The following RYR2 variants were observed in gnomAD, a reference collection of about 807,000 sequenced individuals.
RYR2 encodes cardiac muscle ryanodine receptor-calcium release channel.
Under a neutral mutation model 601.1 loss-of-function variants are expected in RYR2, and 227 were observed. The observed-to-expected ratio is 0.38, with a 90% CI of 0.34 to 0.42. The LOEUF is 0.42. RYR2 is among the 10% of genes least tolerant of loss of function. The pLI, the probability that RYR2 is intolerant of heterozygous loss-of-function variation, is 1.00. For synonymous variants in RYR2, 2,223 were observed against 2,175.1 expected, an observed-to-expected ratio of 1.02 and a Z score of -0.61; for missense variants, 4,646 against 6,156.5, an observed-to-expected ratio of 0.75 and a Z score of 8.21.
chr1:237,450,179 G>C (rs138396989), intron 14 of RYR2, among the ~76,000 whole-genome samples: 2 of 152,100 alleles, frequency 1.3e-5, no homozygotes, highest in Admixed American at 1.3e-4. Flanking sequence ...TCCCTGCCTT[G>C]AGTAGTTTTC....
rs573124809 is a variant in RYR2 at position 237,368,389 on chromosome 1, T to A, written c.310-1145T>A. The stretch of plus-strand genomic sequence containing the variant: ...AGGGAAGACTAGAGAGAGGGAATGT[T>A]GTATTCCGAGATGGGGCAGCATGAA... On this transcript the variant is annotated intron_variant, in intron 5 of 104. Transcript: ENST00000366574. Among the ~76,000 whole-genome samples the A allele has an allele frequency of 1.4e-4, 21 of 152,230 alleles. 1 individual carries two copies. The South Asian group carries it at 4.1e-3, about 30-fold the overall frequency.
chr1:237,490,252 G>A (rs1663178594), intron 17 of RYR2, among the ~76,000 whole-genome samples: 1 of 152,114 alleles, frequency 6.6e-6, no homozygotes, highest in Non-Finnish European at 1.5e-5. Context: ...CTGGTTGATG[G>A]GATCAATTGT....
chr1:237,512,820 G>A (rs1202407208), intron 24 of RYR2, among the ~76,000 whole-genome samples: 1 of 152,198 alleles, frequency 6.6e-6, no homozygotes, highest in Non-Finnish European at 1.5e-5. Context: ...CCAGTGAGCT[G>A]TGATCACGCC....
chr1:237,069,693 C>T (rs1328447516), intron 1 of RYR2, among the ~76,000 whole-genome samples: 1 of 152,006 alleles, frequency 6.6e-6, no homozygotes, highest in African/African-American at 2.4e-5. Context: ...TGGAAAAGTC[C>T]ATTTTTAAAA....
At chr1:237,550,465 G>C in intron 26 of RYR2, 79 bp from the exon 27 acceptor site, 1 of 1,505,650 alleles carries the variant, frequency 6.6e-7, no homozygotes, top group South Asian at 1.2e-5. Context: ...GGAATTTAAA[G>C]TTTGATGTAT....
At chr1:237,799,128 C>T (rs1187410120) in intron 97 of RYR2, among the ~76,000 whole-genome samples, 1 of 152,086 alleles carries the variant, frequency 6.6e-6, no homozygotes, top group African/African-American at 2.4e-5. Context: ...TTTGAACTTA[C>T]TGAAAACAAC....
intron 1 of RYR2, among the ~76,000 whole-genome samples, chr1:237,241,883 T>C (rs953091470): frequency 5.3e-5 from 8 of 152,200 alleles, no homozygotes; most frequent in African/African-American, 1.4e-4. Flanking sequence ...GTAGTGAGGA[T>C]GAACAGAGGT....
intron 87 of RYR2, among the ~76,000 whole-genome samples, chr1:237,776,865 C>CT (rs1338373324): frequency 6.6e-6 from 1 of 152,178 alleles, no homozygotes; most frequent in Admixed American, 6.5e-5. Flanking sequence ...GGAAATGACT[C>CT]TTTTCCCATC....
rs1247849297 is a variant in RYR2, at chr1:237,199,707, AC to A, written c.49-70789del. Among the ~76,000 whole-genome samples, 3 of 152,160 alleles carry A rather than the reference AC, an allele frequency of 2.0e-5. No individual in the cohort carries two copies. In the East Asian group the frequency reaches 5.8e-4, roughly 29 times the overall value. The stretch of plus-strand genomic sequence containing the variant: ...GTTGACACTCAATACTAACCATCAC[AC>A]ATTCATTGGTGAAAAATCAGCAATA... On this transcript the variant is annotated intron_variant, in intron 1 of 104. Transcript: ENST00000366574.
intron 1 of RYR2, among the ~76,000 whole-genome samples, chr1:237,070,954 TG>T (rs1290202273): frequency 4.6e-5 from 7 of 152,242 alleles, no homozygotes; most frequent in African/African-American, 1.7e-4. Flanking sequence ...CAAGGGCCAC[TG>T]CTCTTCTCTC....
chr1:237,160,576 T>C (rs2490363), intron 1 of RYR2, among the ~76,000 whole-genome samples: 88,485 of 151,702 alleles, frequency 0.58, 26,508 homozygotes, highest in Non-Finnish European at 0.65. Context: ...ATGGAAGGGA[T>C]GATGGGCAGT....
At chr1:237,200,423 C>A (rs895500622) in intron 1 of RYR2, among the ~76,000 whole-genome samples, 1 of 152,100 alleles carries the variant, frequency 6.6e-6, no homozygotes, top group Non-Finnish European at 1.5e-5. Flanking sequence ...CACCACCATG[C>A]CTGGCTAACT....
At chr1:237,128,903 A>G (rs1305120157) in intron 1 of RYR2, among the ~76,000 whole-genome samples, 2 of 152,198 alleles carry the variant, frequency 1.3e-5, no homozygotes, top group African/African-American at 2.4e-5. Context: ...TGAGTAGAAA[A>G]GGTGTTAAAG....
chr1:237,828,508 C>CT, intron 102 of RYR2, 63 bp downstream of exon 102: 1 of 1,056,672 alleles, frequency 9.5e-7, no homozygotes, highest in Non-Finnish European at 1.4e-6. Flanking sequence ...TCCTCACTAC[C>CT]TTTATCAATA....
At chr1:237,407,177 C>T (rs950151233) in intron 10 of RYR2, among the ~76,000 whole-genome samples, 2 of 152,188 alleles carry the variant, frequency 1.3e-5, no homozygotes, top group African/African-American at 4.8e-5. Context: ...GATTTCTTTA[C>T]ATCACTGAAA....
intron 36 of RYR2, among the ~76,000 whole-genome samples, chr1:237,612,536 G>T (rs1677997870): frequency 6.6e-6 from 1 of 152,012 alleles, no homozygotes; most frequent in Admixed American, 6.6e-5. Context: ...TTTTTTACAT[G>T]AGGTAATTAG....
At chr1:237,726,415 A>G in intron 75 of RYR2, 107 bp downstream of exon 75, 3 of 740,542 alleles carry the variant, frequency 4.1e-6, no homozygotes, top group Non-Finnish European at 7.0e-6. Flanking sequence ...TAGAGTTCCA[A>G]ACACTATTAG....
In RYR2 at chr1:237,550,552, G is replaced by T; in HGVS notation, c.3075G>T (p.Lys1025Asn). 8 of 1,609,274 alleles carry T rather than the reference G, an allele frequency of 5.0e-6. No homozygotes were observed. Among genetic ancestry groups the T allele is most frequent in the Non-Finnish European group, 6.8e-6 (8 of 1,177,852 alleles). ...CCTGTGTTTTCCTGCAGGACGTAAA[G>T]AACAGAAGAAATCCTCGCCTTGTTC... ...GWTYGIQQDV[K>N]NRRNPRLVPY... Residue 1025 changes from lysine to asparagine, a missense_variant, in exon 27 of 105, where the codon AAG (lysine) becomes AAT (asparagine). This residue lies in a region of RYR2 where 1,807 missense variants were observed against 2,088.1 expected (regional missense o/e 0.87). Coordinates refer to ENST00000366574, the MANE Select transcript of RYR2 (RefSeq NM_001035.3).
intron 5 of RYR2, 33 bp downstream of exon 5, chr1:237,364,405 A>T: frequency 8.3e-7 from 1 of 1,210,318 alleles, no homozygotes; most frequent in Middle Eastern, 2.0e-4. Flanking sequence ...CTATGTATAT[A>T]TATAGCAGAT....
Sources: allele counts gnomAD v4.1 joint callset (sites outside exome capture counted in the v4.1 genomes callset), GRCh38; gene constraint gnomAD v4.1.1; regional missense constraint gnomAD v4.1.1; transcripts MANE v1.5; gene names NCBI Gene and HGNC (gene_info 2026-07-23, HGNC 2026-07-21).